Variants in CACNG8 observed in about 807,000 individuals in gnomAD.
CACNG8 encodes voltage-dependent calcium channel gamma-8 subunit.
Under a neutral mutation model 26.9 loss-of-function variants are expected in CACNG8, and 5 were observed. The ratio of observed to expected loss-of-function variants is 0.19; its 90% CI spans 0.10 to 0.39. The LOEUF (loss-of-function observed/expected upper bound fraction) is 0.39. Ranked by LOEUF, CACNG8 falls within the 10% of genes least tolerant of loss-of-function variation. CACNG8 has a pLI of 1.00. For synonymous variants in CACNG8, 321 were observed against 296.7 expected (o/e 1.08, Z -0.84); for missense variants, 473 against 609.4 (o/e 0.78, Z 2.36).
intron 2 of CACNG8, 76 bp from the exon 3 acceptor site, chr19:53,979,791 G>A (rs1172154759): frequency 9.6e-6 from 14 of 1,462,312 alleles, no homozygotes; most frequent in African/African-American, 4.3e-5. Context: ...GAGATGGGGG[G>A]CCGGGAAGGG....
At chr19:53,979,205 G>T (rs1478997329) in intron 2 of CACNG8, among the ~76,000 whole-genome samples, 1 of 136,006 alleles carries the variant, frequency 7.4e-6, no homozygotes, top group Non-Finnish European at 1.7e-5. Flanking sequence ...AAAAAGCGGG[G>T]TGGGGGGGGA....
chr19:53,983,044 A>T lies in CACNG8; in HGVS notation c.*195A>T. On this transcript the variant is annotated 3_prime_UTR_variant, in exon 4 of 4. Coordinates refer to ENST00000270458, the MANE Select transcript of CACNG8 (RefSeq NM_031895.6). ...CCCCGAGGGAGGGGGCAGGGGAGGG[A>T]GGGGGCCGCTGTGAGGGAGCGTCGT... The T allele has an allele frequency of 3.9e-5, 4 of 103,370 alleles. No homozygotes were observed. Among genetic ancestry groups the T allele is most frequent in the Non-Finnish European group, 5.3e-5 (3 of 56,526 alleles). 6.4% of individuals were successfully genotyped at this position (103,370 alleles called of 1,614,324 possible).
rs2069380257 is a variant in CACNG8 at position 53,982,720 on chromosome 19, G to C, written c.1149G>C (p.Thr383=). 8.5e-7 allele frequency: 1 copy of C among 1,171,356 alleles called. No individual in the cohort carries two copies. The highest frequency in any genetic ancestry group is 4.8e-5 in the Admixed American group (1 of 20,990). 72.6% of individuals were successfully genotyped at this position (1,171,356 alleles called of 1,614,324 possible). A position where few individuals can be genotyped will look rare whatever the true frequency, so the allele number is the denominator to read the frequency against. ...AGGCGGGCGGCGGCGTCACGGTCAC[G>C]GTCACCGGGCCGCCCGCCCCGCCCG... Residue 383 remains threonine, a synonymous_variant, in exon 4 of 4, where the codon ACG becomes ACC. Coordinates refer to ENST00000270458, the MANE Select transcript of CACNG8 (RefSeq NM_031895.6). The surrounding 1 kb of genome is among the most constrained non-coding windows in gnomAD (Gnocchi z 8.4).
chr19:53,978,540 G>C (rs1027659483), intron 2 of CACNG8, among the ~76,000 whole-genome samples: 2 of 151,962 alleles, frequency 1.3e-5, no homozygotes, highest in Admixed American at 1.3e-4. Context: ...TCCCGGACTG[G>C]GATTGGCCAC....
chr19:53,978,156 A>G lies in CACNG8; in HGVS notation c.294A>G (p.Arg98=), dbSNP rs766609162. ...TCCCCGCTCCTCCAGGGTTGAAAAGAGGCGTCTGCGTGAAGATCAATCATT... is the reference window on the plus strand; with the variant it reads ...TCCCCGCTCCTCCAGGGTTGAAAAGGGGCGTCTGCGTGAAGATCAATCATT... The change falls in exon 2 of 4, where the codon AGA becomes AGG. Residue 98 remains arginine, a synonymous_variant. Transcript: ENST00000270458. 1 of 1,612,558 alleles carries G rather than the reference A, an allele frequency of 6.2e-7. No individual in the cohort carries two copies. The highest frequency in any genetic ancestry group is 8.5e-7 in the Non-Finnish European group (1 of 1,179,512).
At chr19:53,969,511 C>T (rs753964215) in intron 1 of CACNG8, among the ~76,000 whole-genome samples, 7 of 152,032 alleles carry the variant, frequency 4.6e-5, no homozygotes, top group South Asian at 4.2e-4. Context: ...CTCTCACCCC[C>T]GGCCTCTCAA....
At chr19:53,975,332 T>A (rs1273329928) in intron 1 of CACNG8, among the ~76,000 whole-genome samples, 1 of 152,126 alleles carries the variant, frequency 6.6e-6, no homozygotes, top group Non-Finnish European at 1.5e-5. Context: ...CCCCAATGAT[T>A]AGTGAAATTG....
rs140309383 is a variant in CACNG8, at chr19:53,972,083, T to A, written c.284-6063T>A. Among the ~76,000 whole-genome samples the A allele has an allele frequency of 1.3e-3, 202 of 151,824 alleles. 2 individuals carry two copies. The highest frequency in any genetic ancestry group is 4.6e-3 in the African/African-American group (190 of 41,404). On this transcript the variant is annotated intron_variant, in intron 1 of 3. Transcript: ENST00000270458. The stretch of plus-strand genomic sequence containing the variant: ...GATATCGGCTCACTGCAAACTCCGC[T>A]GCCTGGGTTCAAGCAATTCTCCTGC...
intron 1 of CACNG8, among the ~76,000 whole-genome samples, chr19:53,975,559 T>C (rs2069326287): frequency 6.6e-6 from 1 of 152,118 alleles, no homozygotes; most frequent in Admixed American, 6.5e-5. Flanking sequence ...TTTGTATTTT[T>C]AGTAGTGATG....
chr19:53,981,696 C>A (rs1339425772), intron 3 of CACNG8, among the ~76,000 whole-genome samples: 5 of 151,990 alleles, frequency 3.3e-5, no homozygotes, highest in African/African-American at 1.2e-4. Flanking sequence ...GGTGCTTGAG[C>A]CTGCCTGGGC....
chr19:53,974,393 T>C (rs1312131110), intron 1 of CACNG8, among the ~76,000 whole-genome samples: 2 of 152,220 alleles, frequency 1.3e-5, no homozygotes, highest in African/African-American at 2.4e-5. Context: ...TTTTTGGCTA[T>C]TGTGAAAAAT....
rs2069402555 is a variant in CACNG8, at chr19:53,985,621, T to C, written c.*2772T>C. 6.6e-6 allele frequency: 1 copy of C among 152,016 alleles called. No homozygotes were observed. The highest frequency in any genetic ancestry group is 1.5e-5 in the Non-Finnish European group (1 of 68,026). The allele number at this position is 152,016 out of a possible 1,614,324, so 9.4% of individuals were successfully genotyped here. On this transcript the variant is annotated 3_prime_UTR_variant, in exon 4 of 4. Transcript: ENST00000270458. ...ACTTTGGGAGACTGAGGCAGGCAGA[T>C]TGAGCTCAGGAGTTCCAGACCAGCC... is the stretch of plus-strand genomic sequence containing the variant.
At chr19:53,967,431 G>T (rs2069277581) in intron 1 of CACNG8, among the ~76,000 whole-genome samples, 1 of 152,226 alleles carries the variant, frequency 6.6e-6, no homozygotes, top group Admixed American at 6.5e-5. Context: ...ATATAGTAAA[G>T]ATTTCAGGCT....
rs1276800981 is a variant in CACNG8, at chr19:53,987,699, G to A, written c.*4850G>A. 6.6e-6 allele frequency: 1 copy of A among 152,294 alleles called. No individual in the cohort carries two copies. The highest frequency in any genetic ancestry group is 1.5e-5 in the Non-Finnish European group (1 of 68,088). 9.4% of individuals were successfully genotyped at this position (152,294 alleles called of 1,614,324 possible). On this transcript the variant is annotated 3_prime_UTR_variant, in exon 4 of 4. Transcript: ENST00000270458. ...CCAGGAACGAGGAGACTGGGATCAGGAAAGTGGCTTTGGGAGGGAGGAACC... is the reference window on the plus strand; with the variant it reads ...CCAGGAACGAGGAGACTGGGATCAGAAAAGTGGCTTTGGGAGGGAGGAACC...
Position 53,985,170 on chromosome 19 carries a change from T to C in CACNG8, c.*2321T>C, listed in dbSNP as rs536072824. ...TTTCCTGAGGCCTCCCCCGAAGCCT[T>C]GTGCTGGGCGGTGCTGGGAGTGGAG... On this transcript the variant is annotated 3_prime_UTR_variant, in exon 4 of 4. Coordinates refer to ENST00000270458, the MANE Select transcript of CACNG8 (RefSeq NM_031895.6). 1 of 152,362 alleles carries C rather than the reference T, an allele frequency of 6.6e-6. No homozygotes were observed. Among genetic ancestry groups the C allele is most frequent in the East Asian group, 1.9e-4 (1 of 5,174 alleles). 9.4% of individuals were successfully genotyped at this position (152,362 alleles called of 1,614,324 possible).
intron 1 of CACNG8, among the ~76,000 whole-genome samples, chr19:53,970,273 G>A (rs980842317): frequency 2.0e-5 from 3 of 151,788 alleles, no homozygotes; most frequent in African/African-American, 4.8e-5. Flanking sequence ...CCGAGATGGC[G>A]CCACCGCACT....
chr19:53,981,435 G>C (rs1237048555), intron 3 of CACNG8, among the ~76,000 whole-genome samples: 1 of 152,046 alleles, frequency 6.6e-6, no homozygotes, highest in Non-Finnish European at 1.5e-5. Flanking sequence ...AGCCAGGGTG[G>C]GGTTTAGACC....
chr19:53,973,602 G>C lies in CACNG8; in HGVS notation c.284-4544G>C, dbSNP rs1194191842. 3.3e-5 allele frequency among the ~76,000 whole-genome samples: 5 copies of C among 152,206 alleles called. No individual in the cohort carries two copies. The East Asian group carries it at 7.7e-4, about 24-fold the overall frequency. ...AGCACTTTGGAAGGCCGAGGCAGGAGGATCGCCTGAGGTCGGGAGATCGAG... is the reference window on the plus strand; with the variant it reads ...AGCACTTTGGAAGGCCGAGGCAGGACGATCGCCTGAGGTCGGGAGATCGAG... On this transcript the variant is annotated intron_variant, in intron 1 of 3. Coordinates refer to ENST00000270458, the MANE Select transcript of CACNG8 (RefSeq NM_031895.6).
intron 1 of CACNG8, among the ~76,000 whole-genome samples, chr19:53,968,653 A>G (rs1015622247): frequency 2.0e-5 from 3 of 151,296 alleles, no homozygotes; most frequent in Non-Finnish European, 4.4e-5. Flanking sequence ...CTATAATCCC[A>G]GCTACTCGGG....
Sources: allele counts gnomAD v4.1 joint callset (sites outside exome capture counted in the v4.1 genomes callset), GRCh38; gene constraint gnomAD v4.1.1; non-coding constraint Gnocchi (gnomAD v3.1); transcripts MANE v1.5; gene names NCBI Gene and HGNC (gene_info 2026-07-23, HGNC 2026-07-21).